Variants in ADIPOQ observed in about 807,000 individuals in gnomAD.
ADIPOQ encodes adiponectin, C1Q and collagen domain containing.
ADIPOQ carries 19 observed loss-of-function variants against 16.1 expected under a neutral mutation model. The observed-to-expected ratio is 1.18, with a 90% CI of 0.82 to 1.73. The LOEUF (loss-of-function observed/expected upper bound fraction) is 1.73, where lower values mean the gene tolerates loss of function less well. Among genes scored for constraint, ADIPOQ ranks in the 40% most tolerant of loss-of-function variants. The pLI is 0.00. For missense variants in ADIPOQ, 323 were observed against 308.3 expected (o/e 1.05, Z -0.36); for synonymous variants, 124 against 125.5 (o/e 0.99, Z 0.08).
intron 1 of ADIPOQ, among the ~76,000 whole-genome samples, chr3:186,850,861 A>T (rs144355853): frequency 6.6e-6 from 1 of 152,104 alleles, no homozygotes; most frequent in Non-Finnish European, 1.5e-5. Flanking sequence ...CTTTTCTGTC[A>T]TGTCCAAAGA....
chr3:186,844,716 A>T (rs1383816983), intron 1 of ADIPOQ, among the ~76,000 whole-genome samples: 2 of 150,572 alleles, frequency 1.3e-5, no homozygotes, highest in Non-Finnish European at 1.5e-5. Flanking sequence ...GCTAATTTTT[A>T]AAAATTTTTT....
At chr3:186,849,906 A>G (rs1711689601) in intron 1 of ADIPOQ, among the ~76,000 whole-genome samples, 1 of 131,666 alleles carries the variant, frequency 7.6e-6, no homozygotes, top group East Asian at 2.0e-4. Context: ...AACTATATCA[A>G]ACAATAGAAA....
chr3:186,854,673 C>T lies in ADIPOQ; in HGVS notation c.704C>T (p.Thr235Ile). 1 of 1,614,210 alleles carries T rather than the reference C, an allele frequency of 6.2e-7. No homozygotes were observed. Among genetic ancestry groups the T allele is most frequent in the Non-Finnish European group, 8.5e-7 (1 of 1,180,042 alleles). The change falls in exon 3 of 3, where the codon ACA (threonine) becomes ATA (isoleucine). Residue 235 changes from threonine (T) to isoleucine (I), a missense_variant. By Grantham distance (89) the Thr-to-Ile change is moderately conservative. Coordinates refer to ENST00000320741, the MANE Select transcript of ADIPOQ (RefSeq NM_004797.4). ...GATAATGACAATGACTCCACCTTCA[C>T]AGGCTTTCTTCTCTACCATGACACC... Reference protein sequence around the residue: ...YADNDNDSTFTGFLLYHDTN With the variant: ...YADNDNDSTFIGFLLYHDTN
chr3:186,849,007 A>T (rs1403246667), intron 1 of ADIPOQ, among the ~76,000 whole-genome samples: 1 of 152,168 alleles, frequency 6.6e-6, no homozygotes, highest in African/African-American at 2.4e-5. Context: ...CGCACCTATT[A>T]GTGGAGAAAT....
rs377685742 is a variant in ADIPOQ at position 186,849,041 on chromosome 3, GGACAA to G, written c.-8-4009_-8-4005del. Among the ~76,000 whole-genome samples the G allele has an allele frequency of 3.3e-3, 507 of 152,252 alleles. 5 individuals carry two copies. Among genetic ancestry groups the G allele is most frequent in the African/African-American group, 0.012 (478 of 41,530 alleles). On this transcript the variant is annotated intron_variant, in intron 1 of 2. Coordinates refer to ENST00000320741, the MANE Select transcript of ADIPOQ (RefSeq NM_004797.4). ...ATCTGTCCATAATACTGAAGTTTGG[GGACAA>G]ACAGTGTTCCCTTAGGGTAGGAGAA...
intron 2 of ADIPOQ, 36 bp downstream of exon 2, chr3:186,853,308 C>T (rs1279506032): frequency 6.5e-7 from 1 of 1,549,794 alleles, no homozygotes; most frequent in African/African-American, 1.4e-5. Flanking sequence ...TCACAGACCT[C>T]CTACACTGAT....
At position 186,849,903 on chromosome 3, in the gene ADIPOQ, T is replaced by A. The variant is rs558531757; in HGVS notation, c.-8-3148T>A. 7.4e-4 allele frequency among the ~76,000 whole-genome samples: 100 copies of A among 134,440 alleles called. 1 individual carries two copies. Among genetic ancestry groups the A allele is most frequent in the Non-Finnish European group, 9.7e-4 (59 of 60,964 alleles). The allele number at this position is 134,440 out of a possible 152,430, so 88.2% of individuals were successfully genotyped here. On this transcript the variant is annotated intron_variant, in intron 1 of 2. Coordinates refer to ENST00000320741, the MANE Select transcript of ADIPOQ (RefSeq NM_004797.4). ...ATTAAAAAGTGAAATTTTAACTATA[T>A]CAAACAATAGAAAAAAACAGAAGAA...
chr3:186,856,797 G>A lies in ADIPOQ; in HGVS notation c.*2093G>A, dbSNP rs369957413. The A allele has an allele frequency of 9.9e-5, 15 of 152,202 alleles. No homozygotes were observed. The East Asian group carries it at 2.7e-3, about 27-fold the overall frequency. 9.4% of individuals were successfully genotyped at this position (152,202 alleles called of 1,614,324 possible). On this transcript the variant is annotated 3_prime_UTR_variant, in exon 3 of 3. Coordinates refer to ENST00000320741, the MANE Select transcript of ADIPOQ (RefSeq NM_004797.4). ...CTTGTGTTAGTCAGAACTCTGTGTT[G>A]TGAATGTCATTCACAACAGAAAACC...
chr3:186,842,902 T>C (rs1723038415), intron 1 of ADIPOQ, among the ~76,000 whole-genome samples, 153 bp downstream of exon 1: 1 of 152,230 alleles, frequency 6.6e-6, no homozygotes, highest in East Asian at 1.9e-4. Flanking sequence ...AGATATGCAC[T>C]GGGCTTCTTC....
At chr3:186,848,209 GGAAGGAAGGAAGGAAGGAAA>G (rs1426311290) in intron 1 of ADIPOQ, among the ~76,000 whole-genome samples, 22 of 127,596 alleles carry the variant, frequency 1.7e-4, no homozygotes, top group Non-Finnish European at 2.3e-4. Context: ...AAAGAAGGAA[GGAAGGAAGGAAGGAAGGAAA>G]GAAGGAAGGA....
intron 1 of ADIPOQ, among the ~76,000 whole-genome samples, chr3:186,845,325 C>A (rs16861209): frequency 0.1 from 15,346 of 152,058 alleles, 969 homozygotes; most frequent in African/African-American, 0.16. Context: ...TATTGGGTTG[C>A]ACCGTGTGAA....
At chr3:186,850,199 G>T (rs1333034797) in intron 1 of ADIPOQ, among the ~76,000 whole-genome samples, 1 of 151,384 alleles carries the variant, frequency 6.6e-6, no homozygotes, top group Non-Finnish European at 1.5e-5. Flanking sequence ...GAACCTGGGA[G>T]GTGGAGGCTG....
chr3:186,845,102 A>G (rs1275933118), intron 1 of ADIPOQ, among the ~76,000 whole-genome samples: 3 of 148,776 alleles, frequency 2.0e-5, no homozygotes, highest in Non-Finnish European at 4.5e-5. Flanking sequence ...ATGGGTGTGT[A>G]TGTGTGGGGG....
Position 186,853,115 on chromosome 3 carries a change from A to T in ADIPOQ, c.57A>T (p.Glu19Asp). 1 of 1,614,210 alleles carries T rather than the reference A, an allele frequency of 6.2e-7. No individual in the cohort carries two copies. The highest frequency in any genetic ancestry group is 8.5e-7 in the Non-Finnish European group (1 of 1,180,026). The change falls in exon 2 of 3, where the codon GAA becomes GAT. Residue 19 changes from glutamate to aspartate, a missense_variant. Glu to Asp is a conservative substitution (Grantham distance 45, BLOSUM62 2). Transcript: ENST00000320741. ...TAGCTCTGCCCGGTCATGACCAGGA[A>T]ACCACGACTCAAGGGCCCGGAGTCC... ...LLLALPGHDQETTTQGPGVLL... is the reference protein window; with the variant it reads ...LLLALPGHDQDTTTQGPGVLL...
rs1208368476 is a variant in ADIPOQ, at chr3:186,858,057, G to T, written c.*3353G>T. 1 of 151,204 alleles carries T rather than the reference G, an allele frequency of 6.6e-6. No individual in the cohort carries two copies. The highest frequency in any genetic ancestry group is 1.5e-5 in the Non-Finnish European group (1 of 67,954). 9.4% of individuals were successfully genotyped at this position (151,204 alleles called of 1,614,324 possible). On this transcript the variant is annotated 3_prime_UTR_variant, in exon 3 of 3. Transcript: ENST00000320741. ...TTCAGTGGTGTGATCTTGGCTCACT[G>T]CTACCTCTACCATGAGCAATTCTCC...
intron 1 of ADIPOQ, among the ~76,000 whole-genome samples, chr3:186,846,277 G>T (rs1271585174): frequency 6.7e-6 from 1 of 148,272 alleles, no homozygotes; most frequent in African/African-American, 2.5e-5. Flanking sequence ...ACAGAGTCTT[G>T]CTCTGTCACC....
chr3:186,843,882 G>A (rs989207347), intron 1 of ADIPOQ, among the ~76,000 whole-genome samples: 2 of 152,156 alleles, frequency 1.3e-5, no homozygotes, highest in Non-Finnish European at 2.9e-5. Context: ...GATGCTGAAG[G>A]TTAGAGTGGG....
chr3:186,850,069 G>C (rs1219228882), intron 1 of ADIPOQ, among the ~76,000 whole-genome samples: 1 of 152,132 alleles, frequency 6.6e-6, no homozygotes, highest in Non-Finnish European at 1.5e-5. Flanking sequence ...AGGAGTTTGA[G>C]ACTAGCCTGG....
rs569731053 is a variant in ADIPOQ, at chr3:186,854,296, T to C, written c.327T>C (p.Tyr109=). ...AAGGAGAACCTGGAGAAGGTGCCTA[T>C]GTATACCGCTCAGCATTCAGTGTGG... is the stretch of plus-strand genomic sequence containing the variant. The part of the protein sequence containing the change: ...GRKGEPGEGA[Y]VYRSAFSVGL... Residue 109 remains tyrosine (Y), a synonymous_variant, in exon 3 of 3, where the codon TAT becomes TAC. Transcript: ENST00000320741. 2 of 1,614,246 alleles carry C rather than the reference T, an allele frequency of 1.2e-6. No individual in the cohort carries two copies. Among genetic ancestry groups the C allele is most frequent in the South Asian group, 1.1e-5 (1 of 91,090 alleles).
Sources: gnomAD v4.1 joint callset for allele counts (sites outside exome capture counted in the v4.1 genomes callset) on GRCh38, gnomAD v4.1.1 for gene constraint, MANE v1.5 for transcripts, NCBI Gene and HGNC (gene_info 2026-07-23, HGNC 2026-07-21) for gene names.